The following PAPPA2 variants were observed in gnomAD, a reference collection of about 807,000 sequenced individuals.
PAPPA2 encodes the protein pappalysin 2.
In PAPPA2, 86 loss-of-function variants were observed where a neutral mutation model predicts 176.4. That is an observed-to-expected ratio of 0.49 (90% confidence interval 0.41 to 0.58). The LOEUF (loss-of-function observed/expected upper bound fraction) is 0.58. PAPPA2 is among the 20% of genes least tolerant of loss of function. The probability of loss-of-function intolerance (pLI) is 0.00; values close to 1 mark genes in which losing one functional copy is unlikely to be tolerated. For synonymous variants in PAPPA2, 809 were observed against 852.2 expected, an observed-to-expected ratio of 0.95 and a Z score of 0.88; for missense variants, 2,073 against 2,256.9, an observed-to-expected ratio of 0.92 and a Z score of 1.65.
At chr1:176,667,131 GCTA>G (rs1423207916) in intron 3 of PAPPA2, among the ~76,000 whole-genome samples, 1 of 151,984 alleles carries the variant, frequency 6.6e-6, no homozygotes, top group Non-Finnish European at 1.5e-5. Context: ...TGTAATCCCA[GCTA>G]CTCAGGAAGG....
chr1:176,703,200 G>A (rs1441943156), intron 9 of PAPPA2, among the ~76,000 whole-genome samples: 3 of 152,232 alleles, frequency 2.0e-5, no homozygotes, highest in Middle Eastern at 3.4e-3. Flanking sequence ...TATAGCTTTC[G>A]GATCTTCAGT....
chr1:176,640,349 C>A (rs1296231637), intron 3 of PAPPA2, among the ~76,000 whole-genome samples: 3 of 117,534 alleles, frequency 2.6e-5, no homozygotes, highest in African/African-American at 3.1e-5. Flanking sequence ...CCCCTCCCCC[C>A]ACCCCACAAC....
intron 1 of PAPPA2, among the ~76,000 whole-genome samples, chr1:176,539,890 T>C (rs1472666479): frequency 6.6e-6 from 1 of 152,108 alleles, no homozygotes; most frequent in Non-Finnish European, 1.5e-5. Context: ...CTGAGCCTGA[T>C]GCTGAAAGGA....
chr1:176,534,729 G>A (rs1256351620), intron 1 of PAPPA2, among the ~76,000 whole-genome samples: 1 of 152,158 alleles, frequency 6.6e-6, no homozygotes, highest in Non-Finnish European at 1.5e-5. Flanking sequence ...CAGATTCAGA[G>A]CAGCTTTCTC....
Position 176,789,845 on chromosome 1 carries a change from C to T in PAPPA2, c.4752C>T (p.Ile1584=), listed in dbSNP as rs759227929. 1.2e-6 allele frequency: 2 copies of T among 1,614,040 alleles called. No homozygotes were observed. Among genetic ancestry groups the T allele is most frequent in the South Asian group, 1.1e-5 (1 of 91,072 alleles). The part of the protein sequence containing the change: ...LLKIQCLEGG[I]WEQGSCIPVV... ...AGATACAATGCCTGGAAGGTGGAAT[C>T]TGGGAGCAAGGCAGCTGCATTCCTG... The change falls in exon 18 of 23, where the codon ATC becomes ATT. Residue 1584 remains isoleucine, a synonymous_variant. Transcript: ENST00000367662.
intron 1 of PAPPA2, among the ~76,000 whole-genome samples, chr1:176,483,167 C>A (rs1437117241): frequency 6.6e-6 from 1 of 152,132 alleles, no homozygotes; most frequent in Non-Finnish European, 1.5e-5. Flanking sequence ...GGTCCCCTAC[C>A]TGTCTTTGTC....
chr1:176,554,385 T>C (rs544015386), intron 1 of PAPPA2, among the ~76,000 whole-genome samples: 2 of 152,348 alleles, frequency 1.3e-5, no homozygotes, highest in Non-Finnish European at 2.9e-5. Flanking sequence ...GTACCACCTG[T>C]GGTCAGATAT....
At position 176,594,481 on chromosome 1, in the gene PAPPA2, A is replaced by G. The variant is rs1176459045; in HGVS notation, c.920-43A>G. 2.7e-6 allele frequency: 4 copies of G among 1,507,486 alleles called. No homozygotes were observed. The Admixed American group carries it at 7.2e-5, about 27-fold the overall frequency. 93.4% of individuals were successfully genotyped at this position (1,507,486 alleles called of 1,614,324 possible). A position where few individuals can be genotyped will look rare whatever the true frequency, so the allele number is the denominator to read the frequency against. ...TCTCCCTTTCTCCATTCCCCTTTGT[A>G]TCTGGTATCTGTCTCTTCCCTCGAT... On this transcript the variant is annotated intron_variant, in intron 2 of 22. Coordinates refer to ENST00000367662, the MANE Select transcript of PAPPA2 (RefSeq NM_020318.3).
At chr1:176,664,862 G>T (rs1420761543) in intron 3 of PAPPA2, among the ~76,000 whole-genome samples, 1 of 152,162 alleles carries the variant, frequency 6.6e-6, no homozygotes, top group African/African-American at 2.4e-5. Flanking sequence ...TATATTCCTG[G>T]TTGATGATGT....
intron 21 of PAPPA2, among the ~76,000 whole-genome samples, chr1:176,822,054 C>A (rs1308657593): frequency 6.6e-6 from 1 of 152,168 alleles, no homozygotes; most frequent in African/African-American, 2.4e-5. Context: ...CTGCCTCCCA[C>A]TCACCCCACA....
intron 3 of PAPPA2, among the ~76,000 whole-genome samples, chr1:176,612,455 A>G (rs1169879014): frequency 6.6e-6 from 1 of 152,162 alleles, no homozygotes; most frequent in Non-Finnish European, 1.5e-5. Context: ...GGTAGTGGCA[A>G]ATTCAGTATA....
At chr1:176,773,182 C>A (rs1288735283) in intron 17 of PAPPA2, among the ~76,000 whole-genome samples, 1 of 152,166 alleles carries the variant, frequency 6.6e-6, no homozygotes, top group African/African-American at 2.4e-5. Flanking sequence ...AAGCACCATT[C>A]TGAGGAAAGA....
intron 20 of PAPPA2, among the ~76,000 whole-genome samples, chr1:176,796,633 T>TTTA (rs1204970698): frequency 4.6e-5 from 7 of 151,492 alleles, no homozygotes; most frequent in Non-Finnish European, 1.0e-4. Context: ...TCTTTCTTTT[T>TTTA]CTTTCTTTTC....
intron 17 of PAPPA2, among the ~76,000 whole-genome samples, chr1:176,784,684 T>A (rs944854073): frequency 6.6e-6 from 1 of 151,896 alleles, no homozygotes; most frequent in African/African-American, 2.4e-5. Flanking sequence ...CCTCCCAGGT[T>A]CAAGCGATTC....
chr1:176,600,443 G>A (rs1463809976), intron 3 of PAPPA2, among the ~76,000 whole-genome samples: 2 of 151,932 alleles, frequency 1.3e-5, no homozygotes, highest in East Asian at 1.9e-4. Context: ...TTGGGAGGCC[G>A]AGGCGGGCGG....
chr1:176,559,800 A>G (rs949433620), intron 2 of PAPPA2, among the ~76,000 whole-genome samples: 13 of 152,134 alleles, frequency 8.5e-5, no homozygotes, highest in Non-Finnish European at 1.5e-4. Flanking sequence ...TGGCCCCTAC[A>G]CTTTTTTCAA....
intron 1 of PAPPA2, among the ~76,000 whole-genome samples, chr1:176,549,197 T>A (rs1650803728): frequency 6.6e-6 from 1 of 152,238 alleles, no homozygotes; most frequent in Admixed American, 6.5e-5. Context: ...TTTTTCCATA[T>A]AATAGCAAAG....
At chr1:176,712,059 A>G in intron 12 of PAPPA2, 78 bp downstream of exon 12, 1 of 1,416,980 alleles carries the variant, frequency 7.1e-7, no homozygotes, top group Non-Finnish European at 9.6e-7. Flanking sequence ...GTGTGTGTGT[A>G]AATGGTGCAT....
chr1:176,492,759 A>C (rs1647358768), intron 1 of PAPPA2, among the ~76,000 whole-genome samples: 4 of 152,208 alleles, frequency 2.6e-5, no homozygotes, highest in Admixed American at 2.6e-4. Context: ...AATACCTTAC[A>C]TATGGTTTGA....
Sources: allele counts gnomAD v4.1 joint callset (sites outside exome capture counted in the v4.1 genomes callset), GRCh38; gene constraint gnomAD v4.1.1; transcripts MANE v1.5; gene names NCBI Gene and HGNC (gene_info 2026-07-23, HGNC 2026-07-21).